Variants in LIN28B observed in about 807,000 individuals in gnomAD.
The protein encoded by LIN28B is lin-28 RNA binding posttranscriptional regulator B, also known as protein lin-28 homolog B.
Under a neutral mutation model 21.9 loss-of-function variants are expected in LIN28B, and 5 were observed. The observed-to-expected ratio is 0.23, with a 90% CI of 0.12 to 0.48. The LOEUF (loss-of-function observed/expected upper bound fraction) is 0.48. Among genes scored for constraint, LIN28B ranks in the 20% least tolerant of loss-of-function variants. The pLI, the probability that LIN28B is intolerant of heterozygous loss-of-function variation, is 0.98. For missense variants in LIN28B, 245 were observed against 310.5 expected (o/e 0.79, Z 1.58); for synonymous variants, 109 against 111.3 (o/e 0.98, Z 0.13).
intron 2 of LIN28B, among the ~76,000 whole-genome samples, chr6:104,958,715 AG>A (rs1376271339): frequency 1.3e-5 from 2 of 152,212 alleles, no homozygotes; most frequent in Non-Finnish European, 2.9e-5. Flanking sequence ...GCCTTATTTT[AG>A]ACACCTCTAG....
intron 2 of LIN28B, among the ~76,000 whole-genome samples, chr6:104,943,929 G>A (rs1778126768): frequency 6.6e-6 from 1 of 152,090 alleles, no homozygotes; most frequent in African/African-American, 2.4e-5. Flanking sequence ...TGCCCACCAT[G>A]TACTTGTATA....
At chr6:104,961,443 C>T (rs1010884261) in intron 2 of LIN28B, among the ~76,000 whole-genome samples, 7 of 152,032 alleles carry the variant, frequency 4.6e-5, no homozygotes, top group African/African-American at 7.2e-5. Context: ...CACTGTCACC[C>T]GGGCTGGAGT....
chr6:104,986,194 C>T (rs868706715), intron 2 of LIN28B, among the ~76,000 whole-genome samples: 45 of 152,252 alleles, frequency 3.0e-4, no homozygotes, highest in African/African-American at 8.2e-4. Flanking sequence ...TCTCCTTCAC[C>T]TTCTGCCATG....
intron 2 of LIN28B, among the ~76,000 whole-genome samples, chr6:104,959,787 A>G (rs314277): frequency 6.6e-6 from 1 of 152,070 alleles, no homozygotes; most frequent in Admixed American, 6.5e-5. Context: ...TCTTTCTTCC[A>G]CCTTTGAACC....
intron 2 of LIN28B, among the ~76,000 whole-genome samples, chr6:104,993,458 C>G (rs1273685361): frequency 1.3e-5 from 2 of 151,786 alleles, no homozygotes; most frequent in Non-Finnish European, 2.9e-5. Context: ...AGAACAAGAC[C>G]CTTTCTCAAA....
intron 2 of LIN28B, among the ~76,000 whole-genome samples, chr6:105,013,009 G>A (rs1227685792): frequency 6.6e-6 from 1 of 151,864 alleles, no homozygotes; most frequent in South Asian, 2.1e-4. Context: ...ATTGCATTGT[G>A]GTTTTTTTGT....
chr6:105,067,728 A>G (rs1224036402), intron 3 of LIN28B, among the ~76,000 whole-genome samples: 1 of 152,226 alleles, frequency 6.6e-6, no homozygotes, highest in Non-Finnish European at 1.5e-5. Context: ...TACAAAGTAG[A>G]AAACTTTCAT....
At position 104,996,908 on chromosome 6, in the gene LIN28B, C is replaced by G. The variant is rs531034474; in HGVS notation, c.199-29390C>G. On this transcript the variant is annotated intron_variant, in intron 2 of 3. Coordinates refer to ENST00000345080, the MANE Select transcript of LIN28B (RefSeq NM_001004317.4). ...GCTAAGGTAGGAAGATCACTTCACC[C>G]CAGGAGTTTGAGGCTGCGTGAGCTA... Among the ~76,000 whole-genome samples the G allele has an allele frequency of 2.8e-4, 43 of 152,136 alleles. No individual in the cohort carries two copies. In the South Asian group the frequency reaches 7.9e-3, roughly 28 times the overall value.
rs1230429874 is a variant in LIN28B, at chr6:105,083,121, ATG to A, written c.*4340_*4341del. The stretch of plus-strand genomic sequence containing the variant: ...GTGAAAATAAAAACACTTGAACTGT[ATG>A]TTTTTAAAAGACAAAAAAGGGGTAG... On this transcript the variant is annotated 3_prime_UTR_variant, in exon 4 of 4. Coordinates refer to ENST00000345080, the MANE Select transcript of LIN28B (RefSeq NM_001004317.4). 8.6e-6 allele frequency: 1 copy of A among 115,770 alleles called. No individual in the cohort carries two copies. The highest frequency in any genetic ancestry group is 1.0e-4 in the Admixed American group (1 of 9,862). The allele number at this position is 115,770 out of a possible 1,614,324, so 7.2% of individuals were successfully genotyped here. A position where few individuals can be genotyped will look rare whatever the true frequency, so the allele number is the denominator to read the frequency against.
intron 2 of LIN28B, among the ~76,000 whole-genome samples, chr6:104,979,324 C>T (rs994846109): frequency 6.6e-6 from 1 of 151,880 alleles, no homozygotes; most frequent in Non-Finnish European, 1.5e-5. Flanking sequence ...GTTCTCCTGC[C>T]TCAGCCTCCC....
At chr6:104,955,057 T>C (rs1442588878), upstream of LIN28B, among the ~76,000 whole-genome samples, 1 of 152,200 alleles carries the variant, frequency 6.6e-6, no homozygotes, top group African/African-American at 2.4e-5. Context: ...GAGATTTTTT[T>C]CCTCTTATAC....
At chr6:105,075,338 A>T (rs1370302716) in intron 3 of LIN28B, among the ~76,000 whole-genome samples, 1 of 152,206 alleles carries the variant, frequency 6.6e-6, no homozygotes, top group Non-Finnish European at 1.5e-5. Flanking sequence ...TGGAGTATAT[A>T]GTTGTGGTAT....
chr6:104,950,597 C>A lies in LIN28B; in HGVS notation c.67+88C>A, dbSNP rs531023547. ...CTAGAGGCATATGAGAACCTGACAG[C>A]CCTCAGGAATTCTCCATCCTTTCTA... is the stretch of plus-strand genomic sequence containing the variant. On this transcript the variant is annotated intron_variant, in intron 3 of 5. Coordinates refer to the LIN28B transcript ENST00000635857. The A allele has an allele frequency of 1.6e-4, 112 of 718,776 alleles. No homozygotes were observed. In the African/African-American group the frequency reaches 1.9e-3, roughly 12 times the overall value. 44.5% of individuals were successfully genotyped at this position (718,776 alleles called of 1,614,324 possible). A position where few individuals can be genotyped will look rare whatever the true frequency, so the allele number is the denominator to read the frequency against.
Position 105,056,152 on chromosome 6 carries a change from G to A in LIN28B, c.384-22262G>A, listed in dbSNP as rs573925390. On this transcript the variant is annotated intron_variant, in intron 3 of 3. Coordinates refer to ENST00000345080, the MANE Select transcript of LIN28B (RefSeq NM_001004317.4). ...AGTTGTTGAACATATTTATGATAGC[G>A]ATTTTGAGTTATTTCCTGCTATTTC... 3.3e-5 allele frequency among the ~76,000 whole-genome samples: 5 copies of A among 151,936 alleles called. No individual in the cohort carries two copies. The East Asian group carries it at 7.7e-4, about 24-fold the overall frequency.
chr6:105,054,763 G>A (rs1771987971), intron 3 of LIN28B, among the ~76,000 whole-genome samples: 3 of 152,102 alleles, frequency 2.0e-5, no homozygotes, highest in Non-Finnish European at 2.9e-5. Context: ...CCACTTTGGG[G>A]TGCCCCCCAT....
At chr6:105,044,826 A>G (rs1007190667) in intron 3 of LIN28B, among the ~76,000 whole-genome samples, 3 of 152,142 alleles carry the variant, frequency 2.0e-5, no homozygotes, top group Non-Finnish European at 4.4e-5. Flanking sequence ...GTTCTACCCA[A>G]TGGAAATGAT....
intron 3 of LIN28B, among the ~76,000 whole-genome samples, chr6:105,042,602 G>A (rs952370560): frequency 5.9e-5 from 9 of 151,372 alleles, no homozygotes; most frequent in East Asian, 3.9e-4. Context: ...CTAGAACATC[G>A]ACTGACTTCT....
At chr6:104,962,608 T>C (rs1353506214) in intron 2 of LIN28B, among the ~76,000 whole-genome samples, 1 of 152,256 alleles carries the variant, frequency 6.6e-6, no homozygotes, top group Non-Finnish European at 1.5e-5. Flanking sequence ...ATATGAAAAA[T>C]TTCTTACACA....
chr6:104,992,852 A>G (rs989327746), intron 2 of LIN28B, among the ~76,000 whole-genome samples: 2 of 151,966 alleles, frequency 1.3e-5, no homozygotes, highest in African/African-American at 4.8e-5. Context: ...TATTAGCTTT[A>G]TACTTTTACT....
Sources: gnomAD v4.1 joint callset for allele counts (sites outside exome capture counted in the v4.1 genomes callset) on GRCh38, gnomAD v4.1.1 for gene constraint, MANE v1.5 for transcripts, NCBI Gene and HGNC (gene_info 2026-07-23, HGNC 2026-07-21) for gene names.